Variants in OPCML observed in about 807,000 individuals in gnomAD.
OPCML encodes the protein opioid-binding protein/cell adhesion molecule.
Under a neutral mutation model 37.8 loss-of-function variants are expected in OPCML, and 13 were observed. That is an observed-to-expected ratio of 0.34 (90% CI 0.22 to 0.55). The LOEUF is 0.55. Ranked by LOEUF, OPCML falls within the 20% of genes least tolerant of loss-of-function variation. OPCML has a pLI of 0.91. For synonymous variants in OPCML, 176 were observed against 168.8 expected, an observed-to-expected ratio of 1.04 and a Z score of -0.33; for missense variants, 341 against 435.6, an observed-to-expected ratio of 0.78 and a Z score of 1.93.
intron 2 of OPCML, among the ~76,000 whole-genome samples, chr11:132,937,610 G>A (rs1054944378): frequency 8.7e-5 from 13 of 148,700 alleles, no homozygotes; most frequent in Non-Finnish European, 1.8e-4. Context: ...GTGTGTGTGT[G>A]TGTGTGTGTG....
intron 2 of OPCML, among the ~76,000 whole-genome samples, chr11:132,718,769 T>G (rs1285707475): frequency 6.6e-6 from 1 of 152,078 alleles, no homozygotes; most frequent in Non-Finnish European, 1.5e-5. Flanking sequence ...GTGTTCCTAC[T>G]CCAGCCCCAG....
intron 4 of OPCML, among the ~76,000 whole-genome samples, chr11:132,498,221 A>T (rs2096237429): frequency 6.6e-6 from 1 of 152,268 alleles, no homozygotes; most frequent in African/African-American, 2.4e-5. Context: ...GTGATGTTAC[A>T]TAGCTTAGAG....
chr11:133,509,226 C>T lies in OPCML; in HGVS notation c.61+23038G>A, dbSNP rs193237421. On this transcript the variant is annotated intron_variant, in intron 1 of 7. Coordinates refer to ENST00000524381, the MANE Select transcript of OPCML (RefSeq NM_001012393.5). ...TATCCTGATGCTCTCCCTCAACCCC[C>T]GTCCCACTGACAGGCCCCATTCTGT... Among the ~76,000 whole-genome samples the T allele has an allele frequency of 1.8e-3, 276 of 152,240 alleles. 1 individual carries two copies. The highest frequency in any genetic ancestry group is 3.0e-3 in the Non-Finnish European group (206 of 68,016).
intron 1 of OPCML, among the ~76,000 whole-genome samples, chr11:133,324,375 C>T (rs753930542): frequency 2.6e-5 from 4 of 152,156 alleles, no homozygotes; most frequent in Non-Finnish European, 5.9e-5. Flanking sequence ...CATGCCACCA[C>T]TCTGTAATTA....
intron 2 of OPCML, among the ~76,000 whole-genome samples, chr11:132,744,230 C>A (rs1945536205): frequency 6.6e-6 from 1 of 152,212 alleles, no homozygotes; most frequent in South Asian, 2.1e-4. Flanking sequence ...CACTCTGTGC[C>A]AATTCAGGGG....
chr11:133,415,208 G>T (rs1428396719), intron 1 of OPCML, among the ~76,000 whole-genome samples: 1 of 152,094 alleles, frequency 6.6e-6, no homozygotes, highest in African/African-American at 2.4e-5. Flanking sequence ...AGGAGATTGA[G>T]ACCATCCAGA....
intron 1 of OPCML, among the ~76,000 whole-genome samples, chr11:133,070,230 GT>G (rs1210588539): frequency 6.6e-6 from 1 of 152,162 alleles, no homozygotes; most frequent in Non-Finnish European, 1.5e-5. Flanking sequence ...GCAAGGCAGA[GT>G]TTATTAGCAT....
intron 2 of OPCML, among the ~76,000 whole-genome samples, chr11:132,915,727 A>G (rs1944582413): frequency 6.6e-6 from 1 of 152,198 alleles, no homozygotes; most frequent in Admixed American, 6.5e-5. Context: ...ATAACTCATA[A>G]GGTTCAGCAT....
At chr11:132,456,275 A>G (rs917670383) in intron 4 of OPCML, among the ~76,000 whole-genome samples, 3 of 152,240 alleles carry the variant, frequency 2.0e-5, no homozygotes, top group Non-Finnish European at 4.4e-5. Context: ...TTACATAACA[A>G]TGAAAAATTG....
At chr11:133,047,790 G>C (rs1210432016) in intron 1 of OPCML, among the ~76,000 whole-genome samples, 1 of 152,228 alleles carries the variant, frequency 6.6e-6, no homozygotes, top group Admixed American at 6.5e-5. Flanking sequence ...ATAGTTTCAT[G>C]AGAAGACAGA....
intron 1 of OPCML, among the ~76,000 whole-genome samples, chr11:133,242,777 C>A (rs75745029): frequency 0.017 from 2,616 of 152,308 alleles, 82 homozygotes; most frequent in African/African-American, 0.059. Flanking sequence ...GCTGCACTCT[C>A]TGCATAACTG....
At position 133,369,699 on chromosome 11, in the gene OPCML, T is replaced by C. The variant is rs539961583; in HGVS notation, c.61+162565A>G. On this transcript the variant is annotated intron_variant, in intron 1 of 7. Coordinates refer to ENST00000524381, the MANE Select transcript of OPCML (RefSeq NM_001012393.5). ...ATTCCCAACTCTGTACCATTCACCA[T>C]ACACACACACATACACACACACTCA... 4.6e-5 allele frequency among the ~76,000 whole-genome samples: 7 copies of C among 152,042 alleles called. No individual in the cohort carries two copies. The East Asian group carries it at 1.2e-3, about 25-fold the overall frequency.
At chr11:132,779,046 C>A (rs771985826) in intron 2 of OPCML, among the ~76,000 whole-genome samples, 6 of 143,904 alleles carry the variant, frequency 4.2e-5, no homozygotes, top group Non-Finnish European at 7.5e-5. Flanking sequence ...CCGCTCACTG[C>A]AACCTCCACC....
At chr11:132,587,588 C>T (rs545513579) in intron 3 of OPCML, among the ~76,000 whole-genome samples, 23 of 152,296 alleles carry the variant, frequency 1.5e-4, no homozygotes, top group African/African-American at 4.8e-4. Flanking sequence ...TCTATTCATG[C>T]GTGAGCCTGA....
At chr11:133,358,209 G>A (rs1247301070) in intron 1 of OPCML, among the ~76,000 whole-genome samples, 1 of 152,194 alleles carries the variant, frequency 6.6e-6, no homozygotes, top group Non-Finnish European at 1.5e-5. Context: ...TCCACAACAT[G>A]CTGTTTTCCA....
chr11:132,901,902 T>C (rs1332262208), intron 2 of OPCML, among the ~76,000 whole-genome samples: 1 of 152,174 alleles, frequency 6.6e-6, no homozygotes, highest in Non-Finnish European at 1.5e-5. Flanking sequence ...CACAAGGGAA[T>C]CTTGGTACTT....
chr11:133,244,179 G>A (rs761829689), intron 1 of OPCML, among the ~76,000 whole-genome samples: 2 of 152,158 alleles, frequency 1.3e-5, no homozygotes, highest in East Asian at 1.9e-4. Context: ...CAGACTATCC[G>A]GCTTGGAATG....
At chr11:132,421,561 T>A (rs2095959179) in intron 7 of OPCML, among the ~76,000 whole-genome samples, 3 of 152,174 alleles carry the variant, frequency 2.0e-5, no homozygotes, top group Admixed American at 6.5e-5. Flanking sequence ...ACTTCAGCAA[T>A]GAGTATACAA....
intron 1 of OPCML, among the ~76,000 whole-genome samples, chr11:133,068,316 T>A (rs1046391198): frequency 2.0e-5 from 3 of 152,244 alleles, no homozygotes; most frequent in Non-Finnish European, 4.4e-5. Flanking sequence ...CTCTGCTTTT[T>A]TTCCTTAATA....
Sources: allele counts gnomAD v4.1 joint callset (sites outside exome capture counted in the v4.1 genomes callset), GRCh38; gene constraint gnomAD v4.1.1; transcripts MANE v1.5; gene names NCBI Gene and HGNC (gene_info 2026-07-23, HGNC 2026-07-21).